The following FOXO3 variants were observed in gnomAD, a reference collection of about 807,000 sequenced individuals.
The protein encoded by FOXO3 is forkhead box protein O3.
A neutral mutation model predicts 41.9 loss-of-function variants in FOXO3; 4 were observed. The observed-to-expected ratio is 0.10, with a 90% confidence interval of 0.05 to 0.22. The LOEUF is 0.22. FOXO3 is among the 10% of genes least tolerant of loss of function. The pLI is 1.00. For missense variants in FOXO3, 534 were observed against 906.8 expected (o/e 0.59, Z 5.28); for synonymous variants, 318 against 389.3 (o/e 0.82, Z 2.16).
At chr6:108,587,683 T>C (rs975477376) in intron 1 of FOXO3, among the ~76,000 whole-genome samples, 1 of 152,210 alleles carries the variant, frequency 6.6e-6, no homozygotes, top group African/African-American at 2.4e-5. Flanking sequence ...TAAAGTACAA[T>C]GTACTCTCCT....
chr6:108,579,153 A>T (rs970114740), intron 1 of FOXO3, among the ~76,000 whole-genome samples: 7 of 152,214 alleles, frequency 4.6e-5, no homozygotes, highest in African/African-American at 1.7e-4. Flanking sequence ...AACAAACTCC[A>T]GCAGGATGAC....
Position 108,574,577 on chromosome 6 carries a change from C to T in FOXO3, c.621+12748C>T, listed in dbSNP as rs1246125551. ...TATTAAAATTATTTTGTGAGGTGGTCGTCTCTTTGCAGTGCAGTTACTGAC... is the reference window on the plus strand; with the variant it reads ...TATTAAAATTATTTTGTGAGGTGGTTGTCTCTTTGCAGTGCAGTTACTGAC... On this transcript the variant is annotated intron_variant, in intron 1 of 2. Coordinates refer to ENST00000406360, the MANE Select transcript of FOXO3 (RefSeq NM_001455.4). Among the ~76,000 whole-genome samples the T allele has an allele frequency of 2.0e-5, 3 of 152,152 alleles. No homozygotes were observed. In the East Asian group the frequency reaches 5.8e-4, roughly 29 times the overall value.
chr6:108,593,561 A>G (rs1162841703), intron 1 of FOXO3, among the ~76,000 whole-genome samples: 2 of 151,240 alleles, frequency 1.3e-5, no homozygotes, highest in Non-Finnish European at 2.9e-5. Flanking sequence ...TATTTGTAGT[A>G]GAGATGGGGT....
At chr6:108,584,116 C>T (rs1776508725) in intron 1 of FOXO3, among the ~76,000 whole-genome samples, 1 of 152,192 alleles carries the variant, frequency 6.6e-6, no homozygotes, top group Non-Finnish European at 1.5e-5. Flanking sequence ...ATTCCGCCGG[C>T]ACGGTAATGC....
intron 1 of FOXO3, among the ~76,000 whole-genome samples, chr6:108,654,980 A>C (rs753853940): frequency 1.4e-4 from 21 of 152,210 alleles, no homozygotes; most frequent in African/African-American, 1.9e-4. Flanking sequence ...TTTGAACAAC[A>C]TCTTAGTCCC....
intron 1 of FOXO3, among the ~76,000 whole-genome samples, chr6:108,608,358 C>G (rs867468884): frequency 6.6e-6 from 1 of 152,156 alleles, no homozygotes; most frequent in Admixed American, 6.5e-5. Context: ...TCTGGTCTTA[C>G]AAGTAGTTCT....
intron 2 of FOXO3, among the ~76,000 whole-genome samples, chr6:108,668,602 A>G (rs192475979): frequency 1.3e-5 from 2 of 152,166 alleles, no homozygotes; most frequent in Non-Finnish European, 1.5e-5. Context: ...ACTTTCATTC[A>G]TCTTCATCTT....
chr6:108,564,382 G>A (rs1051684201), intron 1 of FOXO3, among the ~76,000 whole-genome samples: 2 of 152,206 alleles, frequency 1.3e-5, no homozygotes, highest in African/African-American at 4.8e-5. Flanking sequence ...TCCAAGTTTA[G>A]GAGTTGATTC....
At chr6:108,623,222 G>A (rs1036370521) in intron 1 of FOXO3, among the ~76,000 whole-genome samples, 4 of 152,172 alleles carry the variant, frequency 2.6e-5, no homozygotes, top group South Asian at 2.1e-4. Context: ...AGCAGGAGCC[G>A]TAGTCGTCTC....
chr6:108,638,777 C>T (rs932981613), intron 1 of FOXO3, among the ~76,000 whole-genome samples: 2 of 152,158 alleles, frequency 1.3e-5, no homozygotes, highest in Admixed American at 6.5e-5. Context: ...CAATAAGACC[C>T]AACACAACAA....
intron 1 of FOXO3, among the ~76,000 whole-genome samples, chr6:108,572,835 T>G (rs1776143374): frequency 6.6e-6 from 1 of 152,188 alleles, no homozygotes; most frequent in African/African-American, 2.4e-5. Context: ...CATTTAAATG[T>G]AAGCCTCAGT....
At chr6:108,585,837 T>C (rs1055055475) in intron 1 of FOXO3, among the ~76,000 whole-genome samples, 1 of 152,184 alleles carries the variant, frequency 6.6e-6, no homozygotes, top group Non-Finnish European at 1.5e-5. Context: ...ACAAAATCGC[T>C]CTGTGCTTAG....
At chr6:108,656,610 G>A (rs1022848072) in intron 1 of FOXO3, 143 of 587,750 alleles carry the variant, frequency 2.4e-4, no homozygotes, top group Admixed American at 1.4e-3. Context: ...TTTTGTACTT[G>A]GCACTTCACT....
chr6:108,580,157 A>G (rs1776367584), intron 1 of FOXO3, among the ~76,000 whole-genome samples: 1 of 145,216 alleles, frequency 6.9e-6, no homozygotes, highest in South Asian at 2.2e-4. Flanking sequence ...GACACTGTTG[A>G]GCTTTATGAG....
chr6:108,647,764 T>A (rs1265111593), intron 1 of FOXO3, among the ~76,000 whole-genome samples: 1 of 152,192 alleles, frequency 6.6e-6, no homozygotes, highest in Non-Finnish European at 1.5e-5. Context: ...ATTTCCTCTT[T>A]ACAAAACTGT....
intron 1 of FOXO3, among the ~76,000 whole-genome samples, chr6:108,650,300 CT>C (rs1177491850): frequency 6.6e-6 from 1 of 152,184 alleles, no homozygotes; most frequent in African/African-American, 2.4e-5. Flanking sequence ...CCACCGTATT[CT>C]GACCCCTCCC....
At chr6:108,560,883 C>G, upstream of FOXO3, 2 of 1,006,706 alleles carry the variant, frequency 2.0e-6, no homozygotes, top group Non-Finnish European at 2.6e-6. Flanking sequence ...GCCGTCGATT[C>G]GCTCGCGGCT....
At chr6:108,574,998 C>T (rs1776222695) in intron 1 of FOXO3, among the ~76,000 whole-genome samples, 4 of 152,160 alleles carry the variant, frequency 2.6e-5, no homozygotes, top group African/African-American at 9.7e-5. Context: ...GACTGTGTGG[C>T]TGGAGGCAGC....
intron 1 of FOXO3, among the ~76,000 whole-genome samples, chr6:108,655,629 A>G (rs957816795): frequency 6.6e-6 from 1 of 152,212 alleles, no homozygotes; most frequent in African/African-American, 2.4e-5. Context: ...AGGTGATTCT[A>G]ATAGGCGGGG....
Sources: allele counts gnomAD v4.1 joint callset (sites outside exome capture counted in the v4.1 genomes callset), GRCh38; gene constraint gnomAD v4.1.1; transcripts MANE v1.5; gene names NCBI Gene and HGNC (gene_info 2026-07-23, HGNC 2026-07-21).